CFAP97: variants seen among roughly 807,000 people sequenced by gnomAD.
CFAP97 encodes cilia- and flagella-associated protein 97.
In CFAP97, 36 loss-of-function variants were observed where a neutral mutation model predicts 43.1. The ratio of observed to expected loss-of-function variants is 0.84; its 90% CI spans 0.64 to 1.10. The LOEUF is 1.10. Among genes scored for constraint, CFAP97 ranks in the 50% least tolerant of loss-of-function variants. The pLI, the probability that CFAP97 is intolerant of heterozygous loss-of-function variation, is 0.00. For synonymous variants in CFAP97, 228 were observed against 225.7 expected (o/e 1.01, Z -0.09); for missense variants, 657 against 620.3 (o/e 1.06, Z -0.63).
At chr4:185,163,951 T>C (rs890122346) in intron 4 of CFAP97, 78 bp downstream of exon 4, 2 of 1,341,324 alleles carry the variant, frequency 1.5e-6, no homozygotes, top group African/African-American at 1.5e-5. Context: ...TAAAACTCTA[T>C]CATAATAACA....
chr4:185,167,295 C>A (rs187509343), intron 3 of CFAP97, among the ~76,000 whole-genome samples: 3 of 151,972 alleles, frequency 2.0e-5, no homozygotes, highest in African/African-American at 4.8e-5. Flanking sequence ...GGCGAGACCC[C>A]GTCTCTTACA....
At chr4:185,199,649 G>A (rs1467899736) in intron 1 of CFAP97, among the ~76,000 whole-genome samples, 1 of 152,134 alleles carries the variant, frequency 6.6e-6, no homozygotes, top group Non-Finnish European at 1.5e-5. Context: ...CAGCCTGGGT[G>A]AGGCAGCAAG....
intron 3 of CFAP97, among the ~76,000 whole-genome samples, chr4:185,167,998 CA>C (rs1195340198): frequency 0.076 from 4,145 of 54,736 alleles, 104 homozygotes; most frequent in African/African-American, 0.19. Flanking sequence ...GACTCCTTCT[CA>C]AAAAAAAAAA....
chr4:185,190,555 T>C lies in CFAP97; in HGVS notation c.642A>G (p.Ile214Met). ...ACTTGTGTTTTGGTGACAGGAGGGT[T>C]ATACCAGATACATGTTTCTTAGATG... is the stretch of plus-strand genomic sequence containing the variant. ...SKSSKKHVSG[I>M]TLLSPKHKYK... The change falls in exon 2 of 5, where the codon ATA (isoleucine) becomes ATG (methionine). Residue 214 changes from isoleucine to methionine, a missense_variant. Ile to Met is a conservative substitution (Grantham distance 10, BLOSUM62 1). Coordinates refer to ENST00000458385, the MANE Select transcript of CFAP97 (RefSeq NM_020827.3). 4 of 1,613,884 alleles carry C rather than the reference T, an allele frequency of 2.5e-6. No homozygotes were observed. The highest frequency in any genetic ancestry group is 3.4e-6 in the Non-Finnish European group (4 of 1,179,842).
intron 3 of CFAP97, among the ~76,000 whole-genome samples, chr4:185,165,255 C>A (rs1382084324): frequency 6.6e-6 from 1 of 152,078 alleles, no homozygotes; most frequent in Non-Finnish European, 1.5e-5. Context: ...GAGTTCCAGA[C>A]CAGCCTGGAC....
chr4:185,190,944 C>A lies in CFAP97; in HGVS notation c.253G>T (p.Val85Phe), dbSNP rs1246843408. Residue 85 changes from valine to phenylalanine, a missense_variant, in exon 2 of 5, where the codon GTT becomes TTT. Physicochemically the swap from Val to Phe is conservative, Grantham distance 50. Transcript: ENST00000458385. ...FPPEHPVENDVTQTVSSFSLP... is the reference protein window; with the variant it reads ...FPPEHPVENDFTQTVSSFSLP... ...GAGAAAGAACTTACAGTTTGTGTAA[C>A]ATCATTCTCTACGGGGTGTTCTGGG... 2 of 1,613,732 alleles carry A rather than the reference C, an allele frequency of 1.2e-6. No homozygotes were observed. Among genetic ancestry groups the A allele is most frequent in the African/African-American group, 2.7e-5 (2 of 74,932 alleles).
chr4:185,202,872 C>T (rs1736944005), intron 1 of CFAP97, among the ~76,000 whole-genome samples: 1 of 152,220 alleles, frequency 6.6e-6, no homozygotes. Context: ...ATCCCATCCA[C>T]TGAGCAATTC....
chr4:185,206,017 T>C (rs937388561), upstream of CFAP97, among the ~76,000 whole-genome samples: 5 of 152,090 alleles, frequency 3.3e-5, no homozygotes, highest in African/African-American at 7.2e-5. Context: ...AAAATAAGGA[T>C]TGGCAAGAAT....
intron 1 of CFAP97, among the ~76,000 whole-genome samples, chr4:185,200,265 G>A (rs1280165577): frequency 6.6e-6 from 1 of 152,212 alleles, no homozygotes; most frequent in Non-Finnish European, 1.5e-5. Flanking sequence ...GAAGGCCAAG[G>A]CAGGAGGACC....
chr4:185,194,998 T>C (rs1736474646), intron 1 of CFAP97, among the ~76,000 whole-genome samples: 1 of 152,216 alleles, frequency 6.6e-6, no homozygotes, highest in African/African-American at 2.4e-5. Flanking sequence ...TACTTCCCAG[T>C]TGTGCGATCC....
chr4:185,202,281 T>C (rs1315025079), intron 1 of CFAP97, among the ~76,000 whole-genome samples: 1 of 152,202 alleles, frequency 6.6e-6, no homozygotes, highest in Non-Finnish European at 1.5e-5. Context: ...CGGTGGCTCA[T>C]GTTACAGTCT....
intron 2 of CFAP97, among the ~76,000 whole-genome samples, chr4:185,180,428 G>A (rs920116799): frequency 5.3e-5 from 8 of 152,038 alleles, no homozygotes; most frequent in Middle Eastern, 3.2e-3. Flanking sequence ...ACTCCCCATT[G>A]CTCCCTTCCC....
At chr4:185,186,628 C>G (rs1432797493) in intron 2 of CFAP97, among the ~76,000 whole-genome samples, 1 of 152,126 alleles carries the variant, frequency 6.6e-6, no homozygotes, top group African/African-American at 2.4e-5. Context: ...CAGCTACATT[C>G]TATTAAACCA....
Position 185,162,587 on chromosome 4 carries a change from A to T in CFAP97, c.*211T>A. 1 of 551,272 alleles carries T rather than the reference A, an allele frequency of 1.8e-6. No homozygotes were observed. The highest frequency in any genetic ancestry group is 3.2e-6 in the Non-Finnish European group (1 of 313,158). 34.1% of individuals were successfully genotyped at this position (551,272 alleles called of 1,614,324 possible). On this transcript the variant is annotated 3_prime_UTR_variant, in exon 5 of 5. Transcript: ENST00000458385. ...CTATTTCTCTATTAAGAACACATACATCTCATATAAATACATCCTCAGGAA... is the reference window on the plus strand; with the variant it reads ...CTATTTCTCTATTAAGAACACATACTTCTCATATAAATACATCCTCAGGAA...
intron 3 of CFAP97, among the ~76,000 whole-genome samples, chr4:185,164,516 T>C (rs1004306201): frequency 3.3e-5 from 5 of 152,220 alleles, no homozygotes; most frequent in East Asian, 1.9e-4. Context: ...CACTGTGATA[T>C]AACAATTCAT....
chr4:185,175,479 T>C (rs188245334), intron 3 of CFAP97, among the ~76,000 whole-genome samples: 1 of 152,218 alleles, frequency 6.6e-6, no homozygotes, highest in African/African-American at 2.4e-5. Flanking sequence ...TTTTGCCAGA[T>C]TGTGCAATCT....
chr4:185,205,357 G>A (rs971061089), upstream of CFAP97, among the ~76,000 whole-genome samples: 7 of 151,988 alleles, frequency 4.6e-5, no homozygotes, highest in Non-Finnish European at 8.8e-5. Flanking sequence ...GGAAGGCTGA[G>A]ACAGGAGAAT....
At chr4:185,191,540 C>A (rs1481445620) in intron 1 of CFAP97, among the ~76,000 whole-genome samples, 1 of 152,042 alleles carries the variant, frequency 6.6e-6, no homozygotes, top group Non-Finnish European at 1.5e-5. Flanking sequence ...TACAACAAAA[C>A]AAAGAAAAAG....
rs184827209 is a variant in CFAP97, at chr4:185,189,356, T to C, written c.1054+787A>G. Among the ~76,000 whole-genome samples the C allele has an allele frequency of 4.6e-5, 7 of 152,346 alleles. No individual in the cohort carries two copies. In the East Asian group the frequency reaches 5.8e-4, roughly 13 times the overall value. ...TTTATGCCCTTACATTGCTACCATATGCAATTTATCTAGTTAAAGACTAAC... is the reference window on the plus strand; with the variant it reads ...TTTATGCCCTTACATTGCTACCATACGCAATTTATCTAGTTAAAGACTAAC... On this transcript the variant is annotated intron_variant, in intron 2 of 4. Coordinates refer to ENST00000458385, the MANE Select transcript of CFAP97 (RefSeq NM_020827.3).
Sources: gnomAD v4.1 joint callset for allele counts (sites outside exome capture counted in the v4.1 genomes callset) on GRCh38, gnomAD v4.1.1 for gene constraint, MANE v1.5 for transcripts, NCBI Gene and HGNC (gene_info 2026-07-23, HGNC 2026-07-21) for gene names.